The following NDST4 variants were observed in gnomAD, a reference collection of about 807,000 sequenced individuals.
NDST4 encodes N-heparan sulfate sulfotransferase 4.
A neutral mutation model predicts 100.8 loss-of-function variants in NDST4; 63 were observed. The ratio of observed to expected loss-of-function variants is 0.62; its 90% CI spans 0.51 to 0.77. The LOEUF (loss-of-function observed/expected upper bound fraction) is 0.77, where lower values mean the gene tolerates loss of function less well. Ranked by LOEUF, NDST4 falls within the 30% of genes least tolerant of loss-of-function variation. The probability of loss-of-function intolerance (pLI) is 0.00; values close to 1 mark genes in which losing one functional copy is unlikely to be tolerated. For missense variants in NDST4, 943 were observed against 1,018.4 expected (o/e 0.93, Z 1.01); for synonymous variants, 377 against 361.8 (o/e 1.04, Z -0.48).
At chr4:115,044,360 A>G (rs940889840) in intron 2 of NDST4, among the ~76,000 whole-genome samples, 1 of 152,190 alleles carries the variant, frequency 6.6e-6, no homozygotes, top group East Asian at 1.9e-4. Context: ...AACCATAAGC[A>G]GAGGGCAATA....
At chr4:114,917,189 T>C (rs1372822579) in intron 6 of NDST4, among the ~76,000 whole-genome samples, 5 of 152,204 alleles carry the variant, frequency 3.3e-5, no homozygotes, top group African/African-American at 1.2e-4. Context: ...TAAATAGTTG[T>C]TATATTCGTA....
chr4:114,884,640 T>C (rs1453148548), intron 6 of NDST4, among the ~76,000 whole-genome samples: 1 of 152,146 alleles, frequency 6.6e-6, no homozygotes, highest in Admixed American at 6.6e-5. Flanking sequence ...GTTACATCAA[T>C]ATTTTCTTAT....
At chr4:114,972,852 G>C (rs902104683) in intron 3 of NDST4, among the ~76,000 whole-genome samples, 3 of 151,988 alleles carry the variant, frequency 2.0e-5, no homozygotes, top group Admixed American at 1.3e-4. Flanking sequence ...AGAAAATTTT[G>C]TGGACTATTG....
intron 2 of NDST4, among the ~76,000 whole-genome samples, chr4:115,028,652 T>C (rs1287657633): frequency 2.6e-5 from 4 of 151,718 alleles, no homozygotes; most frequent in African/African-American, 4.8e-5. Flanking sequence ...TTTGTGAAAA[T>C]AGCAAGTTGC....
At chr4:114,900,241 T>C (rs1410361843) in intron 6 of NDST4, among the ~76,000 whole-genome samples, 1 of 152,078 alleles carries the variant, frequency 6.6e-6, no homozygotes, top group Admixed American at 6.5e-5. Flanking sequence ...AGCGTAACTA[T>C]AGGCGTATTA....
intron 6 of NDST4, among the ~76,000 whole-genome samples, chr4:114,934,711 T>C (rs1357178561): frequency 6.6e-6 from 1 of 152,064 alleles, no homozygotes; most frequent in Non-Finnish European, 1.5e-5. Flanking sequence ...TAGTAACATA[T>C]TGTATACCTA....
intron 4 of NDST4, among the ~76,000 whole-genome samples, chr4:114,953,294 A>C (rs142752630): frequency 1.3e-5 from 2 of 152,254 alleles, no homozygotes; most frequent in East Asian, 3.9e-4. Flanking sequence ...GATTTATATA[A>C]TTTTAGAAGT....
rs113566948 is a variant in NDST4 at position 115,064,869 on chromosome 4, C to CTGCCAACCCAA, written c.978+11179_978+11189dup. ...AAGCATGATGATTTCTAAATGTACA[C>CTGCCAACCCAA]TGCCAACCCAATGGGGCCAGAAAAT... On this transcript the variant is annotated intron_variant, in intron 2 of 13. Transcript: ENST00000264363. Among the ~76,000 whole-genome samples, 704 of 152,260 alleles carry CTGCCAACCCAA rather than the reference C, an allele frequency of 4.6e-3. 7 individuals carry two copies. The highest frequency in any genetic ancestry group is 0.015 in the African/African-American group (641 of 41,586).
At chr4:114,914,556 A>G (rs1295876708) in intron 6 of NDST4, among the ~76,000 whole-genome samples, 1 of 152,180 alleles carries the variant, frequency 6.6e-6, no homozygotes, top group Non-Finnish European at 1.5e-5. Flanking sequence ...GAAATAGTAA[A>G]CACATTTTAT....
In NDST4 at chr4:114,937,400, C is replaced by A. The variant is rs778890368; in HGVS notation, c.1325G>T (p.Gly442Val). 7.4e-6 allele frequency: 12 copies of A among 1,613,868 alleles called. No individual in the cohort carries two copies. Among genetic ancestry groups the A allele is most frequent in the Admixed American group, 1.7e-5 (1 of 59,988 alleles). The change falls in exon 5 of 14, where the codon GGT becomes GTT. Residue 442 changes from glycine to valine, a missense_variant. Around this residue, in one of 2 missense-constraint regions of NDST4, gnomAD observed 526 missense variants for 634.1 expected, o/e 0.83. Transcript: ENST00000264363. Reference protein sequence around the residue: ...QLYAAWKKVWGIQVTSTEEYP... With the variant: ...QLYAAWKKVWVIQVTSTEEYP... ...TTCTTCAGTGCTGGTGACTTGAATA[C>A]CCCAGACCTTCTTCCAAGCTGCATA...
In NDST4 at chr4:115,076,791, G is replaced by C; in HGVS notation, c.246C>G (p.Leu82=). The change falls in exon 2 of 14, where the codon CTC becomes CTG. Residue 82 remains leucine, a synonymous_variant. Coordinates refer to ENST00000264363, the MANE Select transcript of NDST4 (RefSeq NM_022569.3). ...GTTGAGAGTATTGGCTCTCCACGAA[G>C]AGAAGGACAGTAGGGTCCGTTTTGG... ...DTSKTDPTVL[L]FVESQYSQLG... 2 of 1,613,978 alleles carry C rather than the reference G, an allele frequency of 1.2e-6. No individual in the cohort carries two copies.
chr4:115,009,775 C>A (rs1222708225), intron 2 of NDST4, among the ~76,000 whole-genome samples: 8 of 79,838 alleles, frequency 1.0e-4, no homozygotes, highest in African/African-American at 1.7e-4. Flanking sequence ...AAAATTTTCA[C>A]AACCTACTCA....
intron 8 of NDST4, among the ~76,000 whole-genome samples, chr4:114,850,803 A>G (rs1490498686): frequency 6.6e-6 from 1 of 152,126 alleles, no homozygotes; most frequent in Non-Finnish European, 1.5e-5. Context: ...CCCTATGAGA[A>G]TCCTCTTTTT....
At chr4:114,986,459 G>T in intron 2 of NDST4, among the ~76,000 whole-genome samples, 1 of 152,020 alleles carries the variant, frequency 6.6e-6, no homozygotes, top group East Asian at 1.9e-4. Flanking sequence ...ACGAGCTTCT[G>T]CTTCTGTTTT....
At chr4:114,901,513 A>T (rs1300837615) in intron 6 of NDST4, among the ~76,000 whole-genome samples, 1 of 151,922 alleles carries the variant, frequency 6.6e-6, no homozygotes, top group Non-Finnish European at 1.5e-5. Flanking sequence ...TTTAATCTAT[A>T]TGCGTCTTTA....
chr4:114,914,453 G>A (rs1725126988), intron 6 of NDST4, among the ~76,000 whole-genome samples: 2 of 151,964 alleles, frequency 1.3e-5, no homozygotes, highest in African/African-American at 2.4e-5. Flanking sequence ...TACCTACTGT[G>A]TACCCACAAA....
chr4:115,072,130 T>C (rs1219092814), intron 2 of NDST4, among the ~76,000 whole-genome samples: 1 of 151,474 alleles, frequency 6.6e-6, no homozygotes, highest in African/African-American at 2.4e-5. Context: ...AGTCAAAGAG[T>C]CAACAATCAA....
chr4:114,914,719 CAA>C (rs1423186741), intron 6 of NDST4, among the ~76,000 whole-genome samples: 1 of 152,002 alleles, frequency 6.6e-6, no homozygotes, highest in Non-Finnish European at 1.5e-5. Flanking sequence ...AACCTAAATT[CAA>C]GTTTTGTTTT....
chr4:114,864,138 T>C (rs1723975512), intron 7 of NDST4, among the ~76,000 whole-genome samples: 1 of 152,204 alleles, frequency 6.6e-6, no homozygotes, highest in Non-Finnish European at 1.5e-5. Flanking sequence ...AAGGACACCA[T>C]GGAATTATCA....
Sources: allele counts gnomAD v4.1 joint callset (sites outside exome capture counted in the v4.1 genomes callset), GRCh38; gene constraint gnomAD v4.1.1; regional missense constraint gnomAD v4.1.1; transcripts MANE v1.5; gene names NCBI Gene and HGNC (gene_info 2026-07-23, HGNC 2026-07-21).